Variants in RBFOX2 observed in about 807,000 individuals in gnomAD.
The protein encoded by RBFOX2 is RNA binding protein fox-1 homolog 2.
A neutral mutation model predicts 49.1 loss-of-function variants in RBFOX2; 10 were observed. That is an observed-to-expected ratio of 0.20 (90% confidence interval 0.13 to 0.35). The LOEUF (loss-of-function observed/expected upper bound fraction) is 0.35, where lower values mean the gene tolerates loss of function less well. Ranked by LOEUF, RBFOX2 falls within the 10% of genes least tolerant of loss-of-function variation. RBFOX2 has a pLI of 1.00. For missense variants in RBFOX2, 323 were observed against 486.9 expected, an observed-to-expected ratio of 0.66 and a Z score of 3.17; for synonymous variants, 183 against 187.4, an observed-to-expected ratio of 0.98 and a Z score of 0.19.
chr22:35,904,298 C>A (rs1269519364), intron 1 of RBFOX2, among the ~76,000 whole-genome samples: 1 of 152,130 alleles, frequency 6.6e-6, no homozygotes, highest in Non-Finnish European at 1.5e-5. Flanking sequence ...TTACCAAAAT[C>A]TTTAATTATT....
At chr22:35,986,893 C>T (rs1049902833) in intron 1 of RBFOX2, among the ~76,000 whole-genome samples, 3 of 151,968 alleles carry the variant, frequency 2.0e-5, no homozygotes, top group Non-Finnish European at 2.9e-5. Context: ...AGATCTATAC[C>T]AAGCATTACT....
chr22:35,988,287 C>T (rs1266103284), intron 1 of RBFOX2, among the ~76,000 whole-genome samples: 1 of 152,078 alleles, frequency 6.6e-6, no homozygotes, highest in African/African-American at 2.4e-5. Flanking sequence ...CATTAAATGG[C>T]AATAAATACT....
intron 1 of RBFOX2, among the ~76,000 whole-genome samples, chr22:35,888,247 A>G (rs775221053): frequency 1.8e-4 from 27 of 152,050 alleles, no homozygotes; most frequent in Non-Finnish European, 2.8e-4. Flanking sequence ...TAGTAAATTT[A>G]CTCCCCATTT....
intron 1 of RBFOX2, among the ~76,000 whole-genome samples, chr22:35,930,017 C>CTTTT (rs58976136): frequency 1.6e-4 from 19 of 121,324 alleles, no homozygotes; most frequent in Non-Finnish European, 2.2e-4. Context: ...CTTAATAGAA[C>CTTTT]TTTTTTTTTT....
Position 35,916,878 on chromosome 22 carries a change from T to TAA in RBFOX2, c.-34+21967_-34+21968dup, listed in dbSNP as rs754205670. Among the ~76,000 whole-genome samples the TAA allele has an allele frequency of 3.9e-4, 54 of 137,474 alleles. No individual in the cohort carries two copies. The South Asian group carries it at 6.3e-3, about 16-fold the overall frequency. The allele number at this position is 137,474 out of a possible 152,430, so 90.2% of individuals were successfully genotyped here. Reference sequence around the variant, plus strand: ...ACAGAGAGACTCTATCTGAAAAATTTAAAAAAAAAAAAAAAGAGTAATGAA... The same window carrying TAA: ...ACAGAGAGACTCTATCTGAAAAATTTAAAAAAAAAAAAAAAAAGAGTAATGAA... On this transcript the variant is annotated intron_variant, in intron 1 of 13. Transcript: ENST00000359369.
chr22:35,784,961 G>C (rs533608733), intron 2 of RBFOX2, among the ~76,000 whole-genome samples: 1 of 152,328 alleles, frequency 6.6e-6, no homozygotes, highest in Admixed American at 6.5e-5. Flanking sequence ...CAGGCCTCTT[G>C]CAAAGGGTGG....
intron 1 of RBFOX2, among the ~76,000 whole-genome samples, chr22:35,968,625 T>C (rs1396761949): frequency 2.0e-5 from 3 of 152,192 alleles, no homozygotes; most frequent in Non-Finnish European, 4.4e-5. Context: ...AGACAAAGGT[T>C]TGACCTGAGG....
chr22:35,823,617 T>C (rs936757900), intron 1 of RBFOX2, among the ~76,000 whole-genome samples: 18 of 152,222 alleles, frequency 1.2e-4, no homozygotes, highest in Admixed American at 6.5e-5. Flanking sequence ...CAACCATAAA[T>C]GAGTTCTGTT....
At chr22:35,806,560 C>T (rs546292022) in intron 2 of RBFOX2, among the ~76,000 whole-genome samples, 1 of 151,894 alleles carries the variant, frequency 6.6e-6, no homozygotes, top group African/African-American at 2.4e-5. Context: ...CAAGAAACAC[C>T]AGCACAAACA....
At position 35,953,680 on chromosome 22, in the gene RBFOX2, CA is replaced by C. The variant is rs1312475361; in HGVS notation, c.42+7882del. Among the ~76,000 whole-genome samples the C allele has an allele frequency of 7.9e-5, 12 of 152,232 alleles. No homozygotes were observed. In the South Asian group the frequency reaches 8.3e-4, roughly 11 times the overall value. On this transcript the variant is annotated intron_variant, in intron 1 of 5. Coordinates refer to the RBFOX2 transcript ENST00000408983. ...GTTATATGAATTTAACCTCCATTAA[CA>C]TTTTTTTTAAAAGCAATGCAGTATA... is the stretch of plus-strand genomic sequence containing the variant.
intron 1 of RBFOX2, among the ~76,000 whole-genome samples, chr22:35,811,165 G>A (rs1264024039): frequency 1.3e-5 from 2 of 152,034 alleles, no homozygotes; most frequent in Admixed American, 1.3e-4. Context: ...GAGAATTGGG[G>A]GTGGGGGGCT....
chr22:35,973,418 C>A (rs976917548), intron 1 of RBFOX2, among the ~76,000 whole-genome samples: 4 of 152,220 alleles, frequency 2.6e-5, no homozygotes, highest in Non-Finnish European at 4.4e-5. Flanking sequence ...CCAAGCCACA[C>A]TGGTGACAAC....
rs145802418 is a variant in RBFOX2, at chr22:35,986,617, C to A, written c.186+41623G>T. Among the ~76,000 whole-genome samples, 18 of 152,230 alleles carry A rather than the reference C, an allele frequency of 1.2e-4. No individual in the cohort carries two copies. In the East Asian group the frequency reaches 3.5e-3, roughly 29 times the overall value. ...ACATGCATATTTTATTTATGCCCAC[C>A]CCCTTTAAGAAGGCCTCCACTGGAT... On this transcript the variant is annotated intron_variant, in intron 1 of 13. Transcript: ENST00000438146.
intron 1 of RBFOX2, among the ~76,000 whole-genome samples, chr22:35,952,382 A>T (rs1016137225): frequency 6.6e-6 from 1 of 152,194 alleles, no homozygotes; most frequent in African/African-American, 2.4e-5. Flanking sequence ...GTAGTCTTGG[A>T]GACCCCCCAA....
chr22:36,013,633 AC>A (rs973731001), intron 1 of RBFOX2, among the ~76,000 whole-genome samples: 2 of 147,996 alleles, frequency 1.4e-5, no homozygotes, highest in Admixed American at 1.3e-4. Flanking sequence ...ACAAACACAC[AC>A]ACACACACAC....
At chr22:35,755,869 C>A (rs889235847) in intron 9 of RBFOX2, among the ~76,000 whole-genome samples, 2 of 151,770 alleles carry the variant, frequency 1.3e-5, no homozygotes, top group African/African-American at 4.8e-5. Context: ...CTGACCCTTG[C>A]AATGATCAGG....
chr22:35,886,387 G>C (rs1255407907), intron 1 of RBFOX2, among the ~76,000 whole-genome samples: 1 of 152,178 alleles, frequency 6.6e-6, no homozygotes, highest in African/African-American at 2.4e-5. Context: ...AAACAGGAAT[G>C]TAATGCTTTC....
chr22:35,752,627 C>T (rs1421382801), intron 9 of RBFOX2: 5 of 984,024 alleles, frequency 5.1e-6, no homozygotes, highest in African/African-American at 3.5e-5. Context: ...GGTATTTTAG[C>T]GCTAATGATT....
rs386395333 is a variant in RBFOX2 at position 35,972,434 on chromosome 22, C to CAA, written c.187-33539_187-33538dup. Among the ~76,000 whole-genome samples, 996 of 139,472 alleles carry CAA rather than the reference C, an allele frequency of 7.1e-3. 4 individuals carry two copies. Among genetic ancestry groups the CAA allele is most frequent in the African/African-American group, 0.016 (639 of 39,074 alleles). 91.5% of individuals were successfully genotyped at this position (139,472 alleles called of 152,430 possible). Reference sequence around the variant, plus strand: ...AAATTGATTTTTACTAATGCTTCCTCAAAAAAAAAAAAAATGGGACTTACC... The same window carrying CAA: ...AAATTGATTTTTACTAATGCTTCCTCAAAAAAAAAAAAAAAATGGGACTTACC... On this transcript the variant is annotated intron_variant, in intron 1 of 13. Transcript: ENST00000438146.
Sources: allele counts gnomAD v4.1 joint callset (sites outside exome capture counted in the v4.1 genomes callset), GRCh38; gene constraint gnomAD v4.1.1; transcripts MANE v1.5; gene names NCBI Gene and HGNC (gene_info 2026-07-23, HGNC 2026-07-21).